The following C1orf53 variants were observed in gnomAD, a reference collection of about 807,000 sequenced individuals.
C1orf53 encodes the protein chromosome 1 open reading frame 53.
In C1orf53, 23 loss-of-function variants were observed where a neutral mutation model predicts 17.5. The ratio of observed to expected loss-of-function variants is 1.31; its 90% confidence interval spans 0.94 to 1.86. The LOEUF (loss-of-function observed/expected upper bound fraction) is 1.86. C1orf53 is among the 40% of genes most tolerant of loss of function. The probability of loss-of-function intolerance (pLI) is 0.00; values close to 1 mark genes in which losing one functional copy is unlikely to be tolerated. For missense variants in C1orf53, 255 were observed against 193.2 expected, an observed-to-expected ratio of 1.32 and a Z score of -1.89; for synonymous variants, 108 against 81.9, an observed-to-expected ratio of 1.32 and a Z score of -1.72.
rs1288633894 is a variant in C1orf53, at chr1:197,904,393, G to T, written c.265-1403G>T. 5.9e-5 allele frequency among the ~76,000 whole-genome samples: 9 copies of T among 152,200 alleles called. No homozygotes were observed. The East Asian group carries it at 1.7e-3, about 29-fold the overall frequency. The stretch of plus-strand genomic sequence containing the variant: ...CAACATGGAAAGCTGTAGAGCAGGG[G>T]CATGCGCAGGAGCAATCTGTTAGGC... On this transcript the variant is annotated intron_variant, in intron 1 of 2. Transcript: ENST00000367393.
intron 1 of C1orf53, among the ~76,000 whole-genome samples, chr1:197,904,187 A>G (rs1659485025): frequency 6.6e-6 from 1 of 152,196 alleles, no homozygotes; most frequent in Admixed American, 6.5e-5. Flanking sequence ...TTCCAGCCTC[A>G]AAGCAGATAG....
chr1:197,902,800 G>A lies in C1orf53; in HGVS notation c.151G>A (p.Gly51Ser), dbSNP rs1415968327. 3.8e-6 allele frequency: 6 copies of A among 1,579,712 alleles called. No individual in the cohort carries two copies. The highest frequency in any genetic ancestry group is 4.3e-6 in the Non-Finnish European group (5 of 1,170,164). ...LCPANEGNCG[G>S]SAPSTPGRPE... The stretch of plus-strand genomic sequence containing the variant: ...CCCTGCTAACGAGGGAAACTGCGGC[G>A]GCTCCGCGCCCAGCACGCCCGGTAG... The change falls in exon 1 of 3, where the codon GGC becomes AGC. Residue 51 changes from glycine (G) to serine (S), a missense_variant. Physicochemically the swap from Gly to Ser is moderately conservative, Grantham distance 56. Transcript: ENST00000367393.
Position 197,905,894 on chromosome 1 carries a change from A to G in C1orf53, c.363A>G (p.Arg121=). Residue 121 remains arginine (R), a synonymous_variant, in exon 2 of 3, where the codon AGA becomes AGG. Transcript: ENST00000367393. ...QRGECCGSAC[R]HCPYGQVNVK... is the part of the protein sequence containing the mutation. Reference sequence around the variant, plus strand: ...GTGAATGTTGTGGCTCTGCGTGCAGACATGTGAGTAGCAATTCTTGCATTA... The same window carrying G: ...GTGAATGTTGTGGCTCTGCGTGCAGGCATGTGAGTAGCAATTCTTGCATTA... 2 of 1,611,220 alleles carry G rather than the reference A, an allele frequency of 1.2e-6. No individual in the cohort carries two copies. The highest frequency in any genetic ancestry group is 1.7e-6 in the Non-Finnish European group (2 of 1,177,446).
At position 197,904,662 on chromosome 1, in the gene C1orf53, GC is replaced by G. The variant is rs1308437013; in HGVS notation, c.265-1132del. ...GACTTGGGAAGTCTCTCTCAGACCA[GC>G]CTTGGGACTTGCTCGGATTTCTGCT... On this transcript the variant is annotated intron_variant, in intron 1 of 2. Coordinates refer to ENST00000367393, the MANE Select transcript of C1orf53 (RefSeq NM_001024594.3). Among the ~76,000 whole-genome samples the G allele has an allele frequency of 2.6e-5, 4 of 152,176 alleles. No homozygotes were observed. In the East Asian group the frequency reaches 7.7e-4, roughly 29 times the overall value.
At chr1:197,907,082 G>A (rs1659531944) in intron 2 of C1orf53, 67 bp from the exon 3 acceptor site, 4 of 952,186 alleles carry the variant, frequency 4.2e-6, no homozygotes, top group Non-Finnish European at 6.4e-6. Context: ...TTGTCACCAT[G>A]AGAAGTGTGC....
chr1:197,905,961 A>G (rs1051224664), intron 2 of C1orf53, 64 bp downstream of exon 2: 1 of 1,169,380 alleles, frequency 8.6e-7, no homozygotes, highest in Non-Finnish European at 1.3e-6. Flanking sequence ...GTAAATACCT[A>G]TTATTTGAAC....
chr1:197,905,999 C>A, intron 2 of C1orf53, 102 bp downstream of exon 2: 2 of 892,814 alleles, frequency 2.2e-6, no homozygotes, highest in Non-Finnish European at 3.6e-6. Flanking sequence ...ACCAAATAGA[C>A]CTGGAGTGAA....
intron 1 of C1orf53, among the ~76,000 whole-genome samples, chr1:197,904,947 C>T (rs574011116): frequency 5.9e-5 from 9 of 152,168 alleles, no homozygotes; most frequent in South Asian, 2.1e-4. Flanking sequence ...TGAGTTACTG[C>T]GTGGTAAAAA....
intron 1 of C1orf53, 65 bp from the exon 2 acceptor site, chr1:197,905,731 C>T (rs1659512533): frequency 1.8e-6 from 2 of 1,122,094 alleles, no homozygotes; most frequent in Non-Finnish European, 2.7e-6. Context: ...TATGTGTAGA[C>T]ATTATGGTGA....
Position 197,906,883 on chromosome 1 carries a change from T to C in C1orf53, c.367-266T>C, listed in dbSNP as rs1571768232. Among the ~76,000 whole-genome samples the C allele has an allele frequency of 2.0e-5, 3 of 152,326 alleles. No homozygotes were observed. In the South Asian group the frequency reaches 6.2e-4, roughly 32 times the overall value. On this transcript the variant is annotated intron_variant, in intron 2 of 2. Coordinates refer to ENST00000367393, the MANE Select transcript of C1orf53 (RefSeq NM_001024594.3). The stretch of plus-strand genomic sequence containing the variant: ...CAAATGCATAAGAGCTTTTTGTAAA[T>C]TGAGGATTTGAGGATTTTCTAAAAG...
At position 197,902,789 on chromosome 1, in the gene C1orf53, GA is replaced by G; in HGVS notation, c.143del (p.Asn48ThrfsTer21). 1 of 1,581,368 alleles carries G rather than the reference GA, an allele frequency of 6.3e-7. No homozygotes were observed. The highest frequency in any genetic ancestry group is 1.1e-5 in the South Asian group (1 of 87,428). ...LSLTLCPANE[G>X]NCGGSAPSTP... ...TTAACCCTCTGCCCTGCTAACGAGG[GA>G]AACTGCGGCGGCTCCGCGCCCAGCA... is the stretch of plus-strand genomic sequence containing the variant. On this transcript the variant is annotated frameshift_variant, in exon 1 of 3. Transcript: ENST00000367393. LOFTEE classifies it high-confidence loss of function.
intron 1 of C1orf53, among the ~76,000 whole-genome samples, chr1:197,903,689 A>C (rs1281069754): frequency 6.6e-6 from 1 of 152,200 alleles, no homozygotes; most frequent in East Asian, 1.9e-4. Context: ...GATGGGACTA[A>C]TATTATATGG....
At chr1:197,904,079 T>A (rs959981619) in intron 1 of C1orf53, among the ~76,000 whole-genome samples, 9 of 152,218 alleles carry the variant, frequency 5.9e-5, no homozygotes, top group Non-Finnish European at 1.2e-4. Context: ...GTATCACAGG[T>A]TAAATGACTA....
Position 197,902,904 on chromosome 1 carries a change from C to G in C1orf53, c.255C>G (p.Ala85=), listed in dbSNP as rs779976335. 4.1e-6 allele frequency: 6 copies of G among 1,470,228 alleles called. No individual in the cohort carries two copies. The African/African-American group carries it at 5.9e-5, about 14-fold the overall frequency. 91.1% of individuals were successfully genotyped at this position (1,470,228 alleles called of 1,614,324 possible). The part of the protein sequence containing the change: ...AERQIAELHA[A]ACAAGQLNYV... ...GACAGATCGCGGAGCTGCACGCTGC[C>G]GCCTGCGCGGTGAGACTCCCTCCTG... Residue 85 remains alanine (A), a synonymous_variant, in exon 1 of 3, where the codon GCC becomes GCG. Coordinates refer to ENST00000367393, the MANE Select transcript of C1orf53 (RefSeq NM_001024594.3).
chr1:197,907,187 A>G lies in C1orf53; in HGVS notation c.405A>G (p.Lys135=), dbSNP rs1164930312. The change falls in exon 3 of 3, where the codon AAA becomes AAG. Residue 135 remains lysine (K), a synonymous_variant. Coordinates refer to ENST00000367393, the MANE Select transcript of C1orf53 (RefSeq NM_001024594.3). ...AAGTCAATGTTAAAGATCCATCTAA[A>G]AAGAAGCAATTCAATTCATATTTTT... ...YGQVNVKDPS[K]KKQFNSYFYV is the part of the protein sequence containing the mutation. 1.3e-6 allele frequency: 2 copies of G among 1,585,804 alleles called. No homozygotes were observed. The highest frequency in any genetic ancestry group is 2.3e-5 in the South Asian group (2 of 88,292).
chr1:197,904,318 A>G (rs1346196382), intron 1 of C1orf53, among the ~76,000 whole-genome samples: 1 of 152,188 alleles, frequency 6.6e-6, no homozygotes, highest in Non-Finnish European at 1.5e-5. Flanking sequence ...TCATTTACTG[A>G]GGACAAATTA....
intron 2 of C1orf53, 59 bp downstream of exon 2, chr1:197,905,956 T>C: frequency 8.4e-7 from 1 of 1,194,988 alleles, no homozygotes; most frequent in Admixed American, 1.7e-5. Context: ...ACTTCGTAAA[T>C]ACCTATTATT....
Position 197,906,145 on chromosome 1 carries a change from GC to G in C1orf53, c.366+249del, listed in dbSNP as rs150305479. On this transcript the variant is annotated intron_variant, in intron 2 of 2. Coordinates refer to ENST00000367393, the MANE Select transcript of C1orf53 (RefSeq NM_001024594.3). ...ATGCTGTGATTTGAAATTCATGGGA[GC>G]TCTTTATTACAAGGAAACTTTTCAT... 5.2e-3 allele frequency among the ~76,000 whole-genome samples: 787 copies of G among 152,292 alleles called. 9 individuals carry two copies. Among genetic ancestry groups the G allele is most frequent in the African/African-American group, 0.018 (760 of 41,558 alleles).
At chr1:197,902,948 G>C in intron 1 of C1orf53, 35 bp downstream of exon 1, 15 of 1,337,126 alleles carry the variant, frequency 1.1e-5, no homozygotes, top group Non-Finnish European at 1.3e-5. Context: ...GCCCCGCCGC[G>C]GCCGCCCCGG....
Sources: gnomAD v4.1 joint callset for allele counts (sites outside exome capture counted in the v4.1 genomes callset) on GRCh38, gnomAD v4.1.1 for gene constraint, MANE v1.5 for transcripts, NCBI Gene and HGNC (gene_info 2026-07-23, HGNC 2026-07-21) for gene names.